Variants in NPAS3 observed in about 807,000 individuals in gnomAD.
NPAS3 encodes neuronal PAS domain-containing protein 3.
Under a neutral mutation model 73.1 loss-of-function variants are expected in NPAS3, and 14 were observed. The observed-to-expected ratio is 0.19, with a 90% CI of 0.13 to 0.30. The LOEUF is 0.30. Among genes scored for constraint, NPAS3 ranks in the 10% least tolerant of loss-of-function variants. The pLI is 1.00. For missense variants in NPAS3, 1,096 were observed against 1,250.0 expected (o/e 0.88, Z 1.86); for synonymous variants, 620 against 541.5 (o/e 1.14, Z -2.01).
At chr14:33,113,385 T>A (rs2042959660) in intron 2 of NPAS3, among the ~76,000 whole-genome samples, 1 of 152,204 alleles carries the variant, frequency 6.6e-6, no homozygotes, top group African/African-American at 2.4e-5. Context: ...GTCCTTCACG[T>A]CCCTTGTAAG....
intron 4 of NPAS3, among the ~76,000 whole-genome samples, chr14:33,541,949 T>C (rs1314307120): frequency 6.6e-6 from 1 of 152,192 alleles, no homozygotes; most frequent in Non-Finnish European, 1.5e-5. Context: ...AACAGCATTA[T>C]AGACATCTCA....
intron 6 of NPAS3, among the ~76,000 whole-genome samples, chr14:33,705,078 C>T (rs990082395): frequency 6.6e-6 from 1 of 152,148 alleles, no homozygotes; most frequent in Non-Finnish European, 1.5e-5. Context: ...ATAGGGGAAG[C>T]GCCCTCATTT....
chr14:33,726,223 T>C (rs2061260386), intron 6 of NPAS3, among the ~76,000 whole-genome samples: 1 of 152,178 alleles, frequency 6.6e-6, no homozygotes, highest in South Asian at 2.1e-4. Flanking sequence ...TCTCTGGAGA[T>C]CTCTAAAGAC....
intron 5 of NPAS3, among the ~76,000 whole-genome samples, chr14:33,611,550 TA>T (rs11345803): frequency 0.19 from 29,201 of 152,042 alleles, 3,350 homozygotes; most frequent in East Asian, 0.32. Flanking sequence ...CCAGAGCTTA[TA>T]ATGCCCTCGG....
In NPAS3 at chr14:33,755,787, A is replaced by C. The variant is rs531820292; in HGVS notation, c.853-18550A>C. Among the ~76,000 whole-genome samples, 4 of 152,218 alleles carry C rather than the reference A, an allele frequency of 2.6e-5. No individual in the cohort carries two copies. The East Asian group carries it at 7.7e-4, about 29-fold the overall frequency. On this transcript the variant is annotated intron_variant, in intron 7 of 11. Transcript: ENST00000356141. ...TTTTGCAGGCTATCTAGGAAGCATGACACCTGTATCTGTTCAACTTCTGGT... is the reference window on the plus strand; with the variant it reads ...TTTTGCAGGCTATCTAGGAAGCATGCCACCTGTATCTGTTCAACTTCTGGT...
chr14:33,711,080 T>A (rs571827211), intron 6 of NPAS3, among the ~76,000 whole-genome samples: 57 of 152,236 alleles, frequency 3.7e-4, no homozygotes, highest in Non-Finnish European at 7.6e-4. Flanking sequence ...CTACTATTAG[T>A]ATTTTTCTTT....
intron 4 of NPAS3, among the ~76,000 whole-genome samples, chr14:33,509,953 TAA>T (rs2052961980): frequency 6.6e-6 from 1 of 152,030 alleles, no homozygotes; most frequent in Non-Finnish European, 1.5e-5. Flanking sequence ...GCATCAAATC[TAA>T]AGTCTACCCT....
At chr14:32,987,658 A>G (rs2038152160) in intron 1 of NPAS3, among the ~76,000 whole-genome samples, 1 of 152,040 alleles carries the variant, frequency 6.6e-6, no homozygotes, top group Admixed American at 6.5e-5. Flanking sequence ...CAACAATTGG[A>G]CAGCATACAA....
intron 2 of NPAS3, among the ~76,000 whole-genome samples, chr14:33,181,134 C>G (rs1205183691): frequency 6.6e-6 from 1 of 152,106 alleles, no homozygotes; most frequent in African/African-American, 2.4e-5. Flanking sequence ...TGATTTTAAA[C>G]TGGACAGCTG....
At chr14:33,164,567 C>G (rs72676795) in intron 2 of NPAS3, among the ~76,000 whole-genome samples, 7 of 152,080 alleles carry the variant, frequency 4.6e-5, no homozygotes, top group Non-Finnish European at 1.0e-4. Context: ...ATACATTATT[C>G]TAGTTACTGT....
intron 1 of NPAS3, among the ~76,000 whole-genome samples, chr14:32,985,219 C>CAATG (rs1448664782): frequency 2.6e-5 from 4 of 152,046 alleles, no homozygotes; most frequent in African/African-American, 7.3e-5. Context: ...GTAATCCTAC[C>CAATG]AATGGGCTTG....
At chr14:33,527,805 C>A (rs2053868326) in intron 4 of NPAS3, among the ~76,000 whole-genome samples, 1 of 152,052 alleles carries the variant, frequency 6.6e-6, no homozygotes, top group African/African-American at 2.4e-5. Context: ...TGGGGGCTTC[C>A]TTTTGAACAA....
chr14:33,752,331 T>C (rs916836759), intron 7 of NPAS3, among the ~76,000 whole-genome samples: 3 of 152,148 alleles, frequency 2.0e-5, no homozygotes, highest in Admixed American at 2.0e-4. Flanking sequence ...TCTGTCACCA[T>C]AAAGCTAGTG....
intron 7 of NPAS3, among the ~76,000 whole-genome samples, chr14:33,757,783 G>A (rs1056944641): frequency 3.9e-5 from 6 of 152,170 alleles, no homozygotes; most frequent in East Asian, 1.9e-4. Context: ...GGAAGCATTC[G>A]CAGAAATAAA....
At chr14:33,227,407 C>G (rs2139749870) in intron 3 of NPAS3, among the ~76,000 whole-genome samples, 1 of 152,162 alleles carries the variant, frequency 6.6e-6, no homozygotes, top group South Asian at 2.1e-4. Context: ...GGGACTCTTG[C>G]TAGGGTGTCT....
intron 2 of NPAS3, among the ~76,000 whole-genome samples, chr14:33,183,757 G>A (rs991870718): frequency 9.2e-5 from 14 of 152,054 alleles, no homozygotes; most frequent in African/African-American, 3.4e-4. Flanking sequence ...GCCTAAATAT[G>A]AAGGCCAAAT....
At position 33,201,300 on chromosome 14, in the gene NPAS3, G is replaced by GGTGTGTGTGTGTGTGTGT. The variant is rs34700439; in HGVS notation, c.141-13866_141-13865insGTGTGTGTGTGTGTGTGT. On this transcript the variant is annotated intron_variant, in intron 2 of 11. Coordinates refer to ENST00000356141, the Ensembl canonical transcript of NPAS3. ...CACTCCCCTTCACTCCCCTAACAAT[G>GGTGTGTGTGTGTGTGTGT]GTGTGTGTGTGTGTGTATGTTTGAA... Among the ~76,000 whole-genome samples, 298 of 151,034 alleles carry GGTGTGTGTGTGTGTGTGT rather than the reference G, an allele frequency of 2.0e-3. 1 individual carries two copies. The highest frequency in any genetic ancestry group is 6.8e-3 in the Middle Eastern group (2 of 292).
rs1405166241 is a variant in NPAS3, at chr14:33,474,169, G to A, written c.469-85952G>A. On this transcript the variant is annotated intron_variant, in intron 4 of 11. Coordinates refer to ENST00000356141, the Ensembl canonical transcript of NPAS3. ...CAGAGTCAAGCTTGAACTTTGGATC[G>A]ATTAGTCTGTTTGCTTCATGGGGTA... 5.3e-5 allele frequency among the ~76,000 whole-genome samples: 8 copies of A among 152,098 alleles called. No individual in the cohort carries two copies. In the East Asian group the frequency reaches 1.2e-3, roughly 22 times the overall value.
chr14:33,803,932 A>C (rs2063774869), downstream of NPAS3: 1 of 152,206 alleles, frequency 6.6e-6, no homozygotes, highest in South Asian at 2.1e-4. Context: ...GCTATGGTAC[A>C]TTTGTTTTGT....
Sources: allele counts gnomAD v4.1 joint callset (sites outside exome capture counted in the v4.1 genomes callset), GRCh38; gene constraint gnomAD v4.1.1; transcripts MANE v1.5; gene names NCBI Gene and HGNC (gene_info 2026-07-23, HGNC 2026-07-21).